The following C4BPA variants were observed in gnomAD, a reference collection of about 807,000 sequenced individuals.
C4BPA encodes C4b-binding protein alpha chain.
C4BPA carries 31 observed loss-of-function variants against 63.7 expected under a neutral mutation model. That is an observed-to-expected ratio of 0.49 (90% CI 0.37 to 0.66). The LOEUF (loss-of-function observed/expected upper bound fraction) is 0.66. Among genes scored for constraint, C4BPA ranks in the 30% least tolerant of loss-of-function variants. C4BPA has a pLI of 0.00. For synonymous variants in C4BPA, 259 were observed against 254.7 expected (o/e 1.02, Z -0.16); for missense variants, 572 against 723.3 (o/e 0.79, Z 2.40).
intron 1 of C4BPA, among the ~76,000 whole-genome samples, chr1:207,106,913 T>TA (rs1227507160): frequency 6.6e-6 from 1 of 152,210 alleles, no homozygotes; most frequent in African/African-American, 2.4e-5. Flanking sequence ...TGTTTTTTTT[T>TA]AACAAAGGAG....
intron 1 of C4BPA, among the ~76,000 whole-genome samples, chr1:207,109,311 G>A (rs183754146): frequency 2.1e-4 from 32 of 152,280 alleles, no homozygotes; most frequent in Non-Finnish European, 3.8e-4. Context: ...ACAATGTTTT[G>A]ACATCCAGGA....
intron 4 of C4BPA, among the ~76,000 whole-genome samples, chr1:207,121,836 C>T (rs7416946): frequency 0.58 from 88,336 of 151,356 alleles, 27,067 homozygotes; most frequent in East Asian, 0.73. Context: ...ATTCTTACCC[C>T]TCCTTCACCC....
intron 1 of C4BPA, among the ~76,000 whole-genome samples, chr1:207,107,674 C>G (rs1427331336): frequency 3.3e-5 from 5 of 152,130 alleles, no homozygotes; most frequent in Non-Finnish European, 7.3e-5. Flanking sequence ...AAACTGGGAA[C>G]CATGAATGTT....
At chr1:207,120,975 A>C (rs1684910075) in intron 4 of C4BPA, among the ~76,000 whole-genome samples, 1 of 152,180 alleles carries the variant, frequency 6.6e-6, no homozygotes, top group South Asian at 2.1e-4. Flanking sequence ...TGCCTGGCTA[A>C]AGTTCAAACT....
chr1:207,108,388 TA>T (rs1180781919), intron 1 of C4BPA, among the ~76,000 whole-genome samples: 1 of 152,214 alleles, frequency 6.6e-6, no homozygotes, highest in African/African-American at 2.4e-5. Context: ...GAGCAATCTC[TA>T]AAATCCAGGA....
rs115332781 is a variant in C4BPA, at chr1:207,140,113, A to G, written c.1274-993A>G. Among the ~76,000 whole-genome samples, 14 of 152,330 alleles carry G rather than the reference A, an allele frequency of 9.2e-5. No homozygotes were observed. In the East Asian group the frequency reaches 2.7e-3, roughly 29 times the overall value. Reference sequence around the variant, plus strand: ...GTTGCATTTATTTAGCTTCTGAGGCATATGAGCAGCTTTCTGACTGCTATG... The same window carrying G: ...GTTGCATTTATTTAGCTTCTGAGGCGTATGAGCAGCTTTCTGACTGCTATG... On this transcript the variant is annotated intron_variant, in intron 9 of 11. Transcript: ENST00000367070.
chr1:207,138,449 G>A (rs868510313), intron 9 of C4BPA, among the ~76,000 whole-genome samples: 2 of 152,316 alleles, frequency 1.3e-5, no homozygotes, highest in Middle Eastern at 6.8e-3. Flanking sequence ...GGACCTGGTA[G>A]CATGCCAAGA....
At chr1:207,117,621 G>A (rs145156625) in intron 4 of C4BPA, among the ~76,000 whole-genome samples, 7 of 152,266 alleles carry the variant, frequency 4.6e-5, no homozygotes, top group Middle Eastern at 3.4e-3. Context: ...CAGGAGAAAA[G>A]CACACAGGTT....
At chr1:207,113,461 A>G (rs981143113) in intron 2 of C4BPA, among the ~76,000 whole-genome samples, 3 of 152,064 alleles carry the variant, frequency 2.0e-5, no homozygotes, top group Non-Finnish European at 4.4e-5. Context: ...TGACTAAACA[A>G]TTTTCACTGT....
Position 207,131,531 on chromosome 1 carries a change from T to G in C4BPA, c.890-15T>G. ...TAGCGTCCTTTTGTTCTTCTTCTTC[T>G]TCTTTCATGAGTAGATAGTTGTATT... On this transcript the variant is annotated splice_polypyrimidine_tract_variant and intron_variant, in intron 7 of 11. Coordinates refer to ENST00000367070, the MANE Select transcript of C4BPA (RefSeq NM_000715.4). 1.3e-6 allele frequency: 2 copies of G among 1,578,942 alleles called. No homozygotes were observed. Among genetic ancestry groups the G allele is most frequent in the Non-Finnish European group, 1.7e-6 (2 of 1,151,328 alleles).
At chr1:207,122,405 C>T (rs1178612330) in intron 4 of C4BPA, among the ~76,000 whole-genome samples, 2 of 152,082 alleles carry the variant, frequency 1.3e-5, no homozygotes, top group African/African-American at 2.4e-5. Context: ...TCTCATATGG[C>T]TTGATCTTTG....
At chr1:207,111,820 A>G (rs1684673573) in intron 1 of C4BPA, among the ~76,000 whole-genome samples, 1 of 152,226 alleles carries the variant, frequency 6.6e-6, no homozygotes, top group South Asian at 2.1e-4. Flanking sequence ...GCGTCCAACC[A>G]TCTGGATCTA....
intron 9 of C4BPA, among the ~76,000 whole-genome samples, chr1:207,136,017 C>T (rs1685273411): frequency 6.6e-6 from 1 of 152,180 alleles, no homozygotes; most frequent in Admixed American, 6.5e-5. Flanking sequence ...CCCATGCCTG[C>T]AATATTTGTC....
intron 4 of C4BPA, among the ~76,000 whole-genome samples, chr1:207,120,151 A>G (rs4259650): frequency 0.58 from 88,634 of 151,852 alleles, 27,189 homozygotes; most frequent in East Asian, 0.74. Context: ...CCAACCATCA[A>G]AGTGGACTCC....
intron 9 of C4BPA, among the ~76,000 whole-genome samples, chr1:207,136,577 T>G (rs1320350026): frequency 2.0e-5 from 3 of 152,200 alleles, no homozygotes; most frequent in Admixed American, 2.0e-4. Context: ...GCACCATCTA[T>G]AGCACTTTCT....
In C4BPA at chr1:207,114,148, T is replaced by C; in HGVS notation, c.191T>C (p.Ile64Thr). 1.2e-6 allele frequency: 2 copies of C among 1,613,668 alleles called. No homozygotes were observed. Among genetic ancestry groups the C allele is most frequent in the Non-Finnish European group, 1.7e-6 (2 of 1,179,704 alleles). Residue 64 changes from isoleucine to threonine, a missense_variant, in exon 3 of 12, where the codon ATT becomes ACT. By Grantham distance (89) the Ile-to-Thr change is moderately conservative. This residue lies in a region of C4BPA where 107 missense variants were observed against 93.9 expected (regional missense o/e 1.14). Coordinates refer to ENST00000367070, the MANE Select transcript of C4BPA (RefSeq NM_000715.4). Reference sequence around the variant, plus strand: ...TTATCATTTGCTGCCCCGATGGATATTACGTTGACTGAGACACGCTTCAAA... The same window carrying C: ...TTATCATTTGCTGCCCCGATGGATACTACGTTGACTGAGACACGCTTCAAA... ...PTLSFAAPMD[I>T]TLTETRFKTG...
intron 1 of C4BPA, among the ~76,000 whole-genome samples, chr1:207,108,258 G>A (rs1456893200): frequency 6.6e-6 from 1 of 152,062 alleles, no homozygotes; most frequent in Non-Finnish European, 1.5e-5. Context: ...AAACTCACAA[G>A]CACTTATAAC....
At chr1:207,129,947 G>A (rs1558093982) in intron 7 of C4BPA, among the ~76,000 whole-genome samples, 1 of 152,032 alleles carries the variant, frequency 6.6e-6, no homozygotes, top group Non-Finnish European at 1.5e-5. Context: ...CTATAATACA[G>A]CTTTGTTCCC....
intron 4 of C4BPA, among the ~76,000 whole-genome samples, chr1:207,117,699 G>A (rs564131965): frequency 6.6e-6 from 1 of 152,132 alleles, no homozygotes; most frequent in African/African-American, 2.4e-5. Context: ...TTTGTACAAA[G>A]TTTCTTTGTA....
Sources: allele counts gnomAD v4.1 joint callset (sites outside exome capture counted in the v4.1 genomes callset), GRCh38; gene constraint gnomAD v4.1.1; regional missense constraint gnomAD v4.1.1; transcripts MANE v1.5; gene names NCBI Gene and HGNC (gene_info 2026-07-23, HGNC 2026-07-21).